EPC2: variants seen among roughly 807,000 people sequenced by gnomAD.
EPC2 encodes enhancer of polycomb 2.
In EPC2, 14 loss-of-function variants were observed where a neutral mutation model predicts 92.1. The ratio of observed to expected loss-of-function variants is 0.15; its 90% confidence interval spans 0.10 to 0.24. EPC2 has a LOEUF of 0.24. Ranked by LOEUF, EPC2 falls within the 10% of genes least tolerant of loss-of-function variation. EPC2 has a pLI of 1.00. For synonymous variants in EPC2, 340 were observed against 334.7 expected (o/e 1.02, Z -0.17); for missense variants, 755 against 971.5 (o/e 0.78, Z 2.96).
At chr2:148,657,547 C>T (rs1680828107) in intron 1 of EPC2, among the ~76,000 whole-genome samples, 1 of 151,876 alleles carries the variant, frequency 6.6e-6, no homozygotes, top group Non-Finnish European at 1.5e-5. Context: ...TAAGAAGTTC[C>T]CAGGTGATCC....
chr2:148,685,468 A>G (rs1187815150), intron 1 of EPC2, among the ~76,000 whole-genome samples: 1 of 152,246 alleles, frequency 6.6e-6, no homozygotes, highest in African/African-American at 2.4e-5. Context: ...AGTGCATATA[A>G]AAGTTATGCT....
chr2:148,647,853 G>T (rs1430051038), intron 1 of EPC2, among the ~76,000 whole-genome samples: 1 of 151,202 alleles, frequency 6.6e-6, no homozygotes, highest in Admixed American at 6.6e-5. Flanking sequence ...AAATGATTTC[G>T]ATCTCTTGAC....
intron 1 of EPC2, among the ~76,000 whole-genome samples, chr2:148,685,905 A>G (rs1023428942): frequency 1.3e-5 from 2 of 152,268 alleles, no homozygotes; most frequent in Admixed American, 6.5e-5. Context: ...GCTAACGGTC[A>G]TCTGAGCTTT....
chr2:148,719,763 C>G (rs1682331718), intron 2 of EPC2, among the ~76,000 whole-genome samples: 1 of 152,234 alleles, frequency 6.6e-6, no homozygotes, highest in African/African-American at 2.4e-5. Context: ...GTTAGAGCAG[C>G]TGTGCTGTGT....
intron 2 of EPC2, among the ~76,000 whole-genome samples, chr2:148,701,515 A>G (rs188147146): frequency 1.2e-3 from 187 of 151,992 alleles, no homozygotes; most frequent in Non-Finnish European, 2.3e-3. Flanking sequence ...TGATATGCTC[A>G]TGTGATTTTT....
chr2:148,691,545 A>C, intron 2 of EPC2: 1 of 1,550,472 alleles, frequency 6.4e-7, no homozygotes, highest in African/African-American at 1.4e-5. Flanking sequence ...TTTGCAGTGA[A>C]ATTGCATCTT....
intron 2 of EPC2, among the ~76,000 whole-genome samples, chr2:148,729,346 A>G (rs938305148): frequency 3.3e-5 from 5 of 152,034 alleles, no homozygotes; most frequent in African/African-American, 7.3e-5. Flanking sequence ...ATTTCGGAAA[A>G]TTTTTAGATT....
chr2:148,749,896 C>T (rs541475932), intron 3 of EPC2, among the ~76,000 whole-genome samples: 5 of 152,200 alleles, frequency 3.3e-5, no homozygotes, highest in South Asian at 2.1e-4. Flanking sequence ...TCCATTTCAT[C>T]TCATTTAAAG....
intron 1 of EPC2, among the ~76,000 whole-genome samples, chr2:148,683,355 C>T (rs1047322535): frequency 1.3e-5 from 2 of 151,804 alleles, no homozygotes; most frequent in East Asian, 1.9e-4. Flanking sequence ...GCAACCTCCA[C>T]CTCCCGGGTT....
chr2:148,644,970 C>T lies in EPC2; in HGVS notation c.-48C>T. On this transcript the variant is annotated 5_prime_UTR_variant, in exon 1 of 14. Coordinates refer to ENST00000258484, the MANE Select transcript of EPC2 (RefSeq NM_015630.4). ...GGCGGGAGTCCTCCCCCCCTCCCCG[C>T]CCGCCCCGCCGCCGCCGCCCGGGCT... 2.6e-6 allele frequency: 4 copies of T among 1,519,468 alleles called. No individual in the cohort carries two copies. The highest frequency in any genetic ancestry group is 2.5e-5 in the East Asian group (1 of 40,110). 94.1% of individuals were successfully genotyped at this position (1,519,468 alleles called of 1,614,324 possible).
intron 1 of EPC2, 138 bp from the exon 2 acceptor site, chr2:148,690,076 T>G: frequency 1.4e-6 from 1 of 737,928 alleles, no homozygotes; most frequent in Non-Finnish European, 2.1e-6. Flanking sequence ...AATGTAACTG[T>G]AGGTCTTTGG....
chr2:148,673,997 T>C (rs1681206588), intron 1 of EPC2, among the ~76,000 whole-genome samples: 1 of 152,228 alleles, frequency 6.6e-6, no homozygotes, highest in African/African-American at 2.4e-5. Flanking sequence ...TGGGTTGTTT[T>C]CTTGATTTAG....
At chr2:148,748,790 A>G (rs974439986) in intron 3 of EPC2, among the ~76,000 whole-genome samples, 1 of 152,040 alleles carries the variant, frequency 6.6e-6, no homozygotes, top group African/African-American at 2.4e-5. Context: ...GGAATTTTAC[A>G]CTTGTAGCAT....
At chr2:148,725,841 CTT>C (rs776625674) in intron 2 of EPC2, among the ~76,000 whole-genome samples, 4 of 152,028 alleles carry the variant, frequency 2.6e-5, no homozygotes, top group African/African-American at 4.8e-5. Context: ...AATTTACCCT[CTT>C]AACAATTTTT....
chr2:148,784,759 C>T lies in EPC2; in HGVS notation c.2109C>T (p.Thr703=), dbSNP rs1430886487. ...AVQLVRTVGH[T]TTNHLIPALC... is the part of the protein sequence containing the mutation. Reference sequence around the variant, plus strand: ...AGCTTGTAAGGACAGTTGGCCACACCACTACAAACCACTTAATCCCAGCAT... The same window carrying T: ...AGCTTGTAAGGACAGTTGGCCACACTACTACAAACCACTTAATCCCAGCAT... Residue 703 remains threonine, a synonymous_variant, in exon 13 of 14, where the codon ACC becomes ACT. Transcript: ENST00000258484. The T allele has an allele frequency of 6.2e-7, 1 of 1,613,940 alleles. No individual in the cohort carries two copies.
intron 2 of EPC2, among the ~76,000 whole-genome samples, chr2:148,734,496 A>C (rs1682711744): frequency 6.6e-6 from 1 of 152,168 alleles, no homozygotes; most frequent in Non-Finnish European, 1.5e-5. Context: ...AAGACCTATA[A>C]AATTCTATAG....
At chr2:148,719,995 T>G (rs1682336766) in intron 2 of EPC2, among the ~76,000 whole-genome samples, 1 of 151,854 alleles carries the variant, frequency 6.6e-6, no homozygotes. Context: ...GGGTCCTGAT[T>G]ACAGAATCAG....
intron 1 of EPC2, among the ~76,000 whole-genome samples, chr2:148,685,439 A>G (rs891937362): frequency 9.9e-5 from 15 of 152,236 alleles, no homozygotes; most frequent in African/African-American, 3.4e-4. Context: ...AGCAAGTTAC[A>G]TGAATATTTT....
chr2:148,645,471 T>A (rs1286220355), intron 1 of EPC2: 1 of 361,064 alleles, frequency 2.8e-6, no homozygotes, highest in East Asian at 6.9e-5. Context: ...TGGCCGCTCT[T>A]GGCGTACGGT....
Sources: gnomAD v4.1 joint callset for allele counts (sites outside exome capture counted in the v4.1 genomes callset) on GRCh38, gnomAD v4.1.1 for gene constraint, MANE v1.5 for transcripts, NCBI Gene and HGNC (gene_info 2026-07-23, HGNC 2026-07-21) for gene names.